KCNH1: variants seen among roughly 807,000 people sequenced by gnomAD.
The protein encoded by KCNH1 is voltage-gated delayed rectifier potassium channel KCNH1.
A neutral mutation model predicts 69.2 loss-of-function variants in KCNH1; 27 were observed. That is an observed-to-expected ratio of 0.39 (90% CI 0.29 to 0.54). The LOEUF (loss-of-function observed/expected upper bound fraction) is 0.54. Ranked by LOEUF, KCNH1 falls within the 20% of genes least tolerant of loss-of-function variation. The pLI, the probability that KCNH1 is intolerant of heterozygous loss-of-function variation, is 0.68. For missense variants in KCNH1, 798 were observed against 1,261.6 expected (o/e 0.63, Z 5.57); for synonymous variants, 456 against 487.7 (o/e 0.93, Z 0.86).
At chr1:210,725,723 T>G (rs1682574290) in intron 10 of KCNH1, among the ~76,000 whole-genome samples, 1 of 152,184 alleles carries the variant, frequency 6.6e-6, no homozygotes, top group African/African-American at 2.4e-5. Context: ...AAAATGGCTT[T>G]CTAGCCCCTT....
intron 3 of KCNH1, among the ~76,000 whole-genome samples, chr1:211,094,540 G>A (rs1443660832): frequency 1.3e-5 from 2 of 152,128 alleles, no homozygotes. Context: ...ACACTCCAAG[G>A]GCAAGAGACC....
Position 210,817,316 on chromosome 1 carries a change from CTT to C in KCNH1, c.1463-13152_1463-13151del, listed in dbSNP as rs552071781. On this transcript the variant is annotated intron_variant, in intron 7 of 10. Transcript: ENST00000271751. ...GGACAAGTGACAAGTGACTTTCACT[CTT>C]TGGGCATAGAAGGCCCAAATATTTG... Among the ~76,000 whole-genome samples, 971 of 152,256 alleles carry C rather than the reference CTT, an allele frequency of 6.4e-3. 11 individuals are homozygous for C. Among genetic ancestry groups the C allele is most frequent in the African/African-American group, 0.022 (926 of 41,534 alleles).
Position 210,857,843 on chromosome 1 carries a change from G to A in KCNH1, c.1463-53677C>T, listed in dbSNP as rs80301137. Among the ~76,000 whole-genome samples, 702 of 152,208 alleles carry A rather than the reference G, an allele frequency of 4.6e-3. 4 individuals carry two copies. The highest frequency in any genetic ancestry group is 0.016 in the African/African-American group (656 of 41,528). ...AAGGGAAGCAAGCCAATCTCTCTAC[G>A]CTGTCTTTTTGCTGGCTTGTTTTTG... is the stretch of plus-strand genomic sequence containing the variant. On this transcript the variant is annotated intron_variant, in intron 7 of 10. Coordinates refer to ENST00000271751, the MANE Select transcript of KCNH1 (RefSeq NM_172362.3).
At chr1:210,947,000 T>A (rs1687970081) in intron 6 of KCNH1, among the ~76,000 whole-genome samples, 1 of 152,192 alleles carries the variant, frequency 6.6e-6, no homozygotes, top group South Asian at 2.1e-4. Flanking sequence ...CCAACTTACC[T>A]GTCCCCTCAC....
intron 6 of KCNH1, among the ~76,000 whole-genome samples, chr1:210,939,690 C>T (rs919437327): frequency 2.0e-5 from 3 of 152,194 alleles, no homozygotes; most frequent in East Asian, 1.9e-4. Flanking sequence ...TATTAATATA[C>T]CCAACTTACG....
chr1:210,704,438 G>A (rs1177966070), intron 10 of KCNH1, among the ~76,000 whole-genome samples: 1 of 152,148 alleles, frequency 6.6e-6, no homozygotes, highest in Non-Finnish European at 1.5e-5. Context: ...AAACCGGAAG[G>A]GACCTGGTCT....
chr1:210,917,280 A>AAAGAAAGAAAG (rs1553359780), intron 7 of KCNH1, among the ~76,000 whole-genome samples: 19 of 142,680 alleles, frequency 1.3e-4, no homozygotes, highest in East Asian at 8.6e-4. Flanking sequence ...AGAAAGAAAG[A>AAAGAAAGAAAG]AAAGAAAAGA....
intron 5 of KCNH1, among the ~76,000 whole-genome samples, chr1:211,070,424 A>ACACACACACACAC (rs1232138926): frequency 1.0e-3 from 110 of 110,116 alleles, no homozygotes; most frequent in Non-Finnish European, 1.6e-3. Context: ...CCTTTAAAAA[A>ACACACACACACAC]AAAAAAACAC....
At chr1:210,910,207 C>T (rs1263480444) in intron 7 of KCNH1, among the ~76,000 whole-genome samples, 1 of 142,334 alleles carries the variant, frequency 7.0e-6, no homozygotes, top group Non-Finnish European at 1.5e-5. Context: ...ATCAAATTGG[C>T]CTTACTGAAA....
At chr1:210,709,955 T>C (rs1404299996) in intron 10 of KCNH1, among the ~76,000 whole-genome samples, 1 of 152,242 alleles carries the variant, frequency 6.6e-6, no homozygotes, top group Non-Finnish European at 1.5e-5. Flanking sequence ...CAACCTGTGA[T>C]ATAGATACAG....
intron 6 of KCNH1, among the ~76,000 whole-genome samples, chr1:211,005,560 G>C (rs983819861): frequency 6.6e-6 from 1 of 151,954 alleles, no homozygotes; most frequent in African/African-American, 2.4e-5. Context: ...ACCCATCTGA[G>C]GAAAAAATAA....
At chr1:210,778,883 T>C (rs529412281) in intron 9 of KCNH1, among the ~76,000 whole-genome samples, 1 of 152,168 alleles carries the variant, frequency 6.6e-6, no homozygotes, top group Non-Finnish European at 1.5e-5. Context: ...AATTTGGGAG[T>C]CGTTTTTCTA....
chr1:210,855,252 G>A (rs559272252), intron 7 of KCNH1, among the ~76,000 whole-genome samples: 2 of 152,274 alleles, frequency 1.3e-5, no homozygotes, highest in East Asian at 1.9e-4. Flanking sequence ...TGCAGAAGGA[G>A]GATTAAGACA....
chr1:210,702,369 A>G (rs1490367396), intron 10 of KCNH1, among the ~76,000 whole-genome samples: 2 of 152,106 alleles, frequency 1.3e-5, no homozygotes, highest in South Asian at 4.2e-4. Context: ...TGTAGAGTTG[A>G]TGTTTTAATT....
intron 5 of KCNH1, among the ~76,000 whole-genome samples, chr1:211,023,227 T>G (rs1197167837): frequency 6.6e-6 from 1 of 151,720 alleles, no homozygotes; most frequent in Non-Finnish European, 1.5e-5. Context: ...GGGATGTAAA[T>G]TAATATAGCA....
At chr1:211,011,365 T>C (rs1055486606) in intron 6 of KCNH1, among the ~76,000 whole-genome samples, 1 of 152,232 alleles carries the variant, frequency 6.6e-6, no homozygotes, top group Non-Finnish European at 1.5e-5. Flanking sequence ...ATTTTCTTTA[T>C]CCAGTCTATC....
At chr1:211,070,259 A>C (rs1387954007) in intron 5 of KCNH1, among the ~76,000 whole-genome samples, 1 of 151,926 alleles carries the variant, frequency 6.6e-6, no homozygotes, top group African/African-American at 2.4e-5. Flanking sequence ...TCTACTAAAA[A>C]TACAAAAAAT....
Position 211,082,835 on chromosome 1 carries a change from A to G in KCNH1, c.503T>C (p.Leu168Pro). 6.2e-7 allele frequency: 1 copy of G among 1,614,194 alleles called. No homozygotes were observed. Among genetic ancestry groups the G allele is most frequent in the Non-Finnish European group, 8.5e-7 (1 of 1,180,028 alleles). ...CTCGCCTTTTTGCACGCTTGGAGCCAGCTGCTGCAGGACACCCCTGCTGCT... is the reference window on the plus strand; with the variant it reads ...CTCGCCTTTTTGCACGCTTGGAGCCGGCTGCTGCAGGACACCCCTGCTGCT... Reference protein sequence around the residue: ...LTSSRGVLQQLAPSVQKGENV... With the variant: ...LTSSRGVLQQPAPSVQKGENV... The change falls in exon 5 of 11, where the codon CTG (leucine) becomes CCG (proline). Residue 168 changes from leucine to proline, a missense_variant. This residue lies in a region of KCNH1 where 266 missense variants were observed against 457.2 expected (regional missense o/e 0.58). Transcript: ENST00000271751.
chr1:210,866,948 C>A (rs188327062), intron 7 of KCNH1, among the ~76,000 whole-genome samples: 2 of 152,024 alleles, frequency 1.3e-5, no homozygotes, highest in African/African-American at 4.8e-5. Context: ...GAATGAAATA[C>A]TGATAAATGC....
Sources: gnomAD v4.1 joint callset for allele counts (sites outside exome capture counted in the v4.1 genomes callset) on GRCh38, gnomAD v4.1.1 for gene constraint, gnomAD v4.1.1 regional missense constraint, MANE v1.5 for transcripts, NCBI Gene and HGNC (gene_info 2026-07-23, HGNC 2026-07-21) for gene names.